The following FAT2 variants were observed in gnomAD, a reference collection of about 807,000 sequenced individuals.
FAT2 encodes the protein FAT atypical cadherin 2, also known as protocadherin Fat 2.
Under a neutral mutation model 295.3 loss-of-function variants are expected in FAT2, and 150 were observed. The observed-to-expected ratio is 0.51, with a 90% confidence interval of 0.44 to 0.58. The LOEUF (loss-of-function observed/expected upper bound fraction) is 0.58, where lower values mean the gene tolerates loss of function less well. Among genes scored for constraint, FAT2 ranks in the 20% least tolerant of loss-of-function variants. The pLI, the probability that FAT2 is intolerant of heterozygous loss-of-function variation, is 0.00. For synonymous variants in FAT2, 2,026 were observed against 2,150.3 expected (o/e 0.94, Z 1.60); for missense variants, 4,868 against 5,442.7 (o/e 0.89, Z 3.32).
intron 1 of FAT2, among the ~76,000 whole-genome samples, chr5:151,581,943 G>GGCCCAGCCCA (rs1242618013): frequency 6.6e-6 from 1 of 152,124 alleles, no homozygotes; most frequent in Non-Finnish European, 1.5e-5. Context: ...CCTCTAGCCT[G>GGCCCAGCCCA]GCCCAGCCCA....
At position 151,566,007 on chromosome 5, in the gene FAT2, G is replaced by T. The variant is rs772838478; in HGVS notation, c.2925C>A (p.Asp975Glu). ...MDGAHGTFRV[D>E]LMTGALILER... ...CCAGAATGAGCGCCCCTGTCATCAGGTCCACCCGGAAGGTCCCATGGGCGC... is the reference window on the plus strand; with the variant it reads ...CCAGAATGAGCGCCCCTGTCATCAGTTCCACCCGGAAGGTCCCATGGGCGC... Residue 975 changes from aspartate (D) to glutamate (E), a missense_variant, in exon 2 of 24, where the codon GAC becomes GAA. By Grantham distance (45) the Asp-to-Glu change is conservative. Transcript: ENST00000261800. The T allele has an allele frequency of 4.3e-6, 7 of 1,614,126 alleles. No individual in the cohort carries two copies. Among genetic ancestry groups the T allele is most frequent in the South Asian group, 1.1e-5 (1 of 91,074 alleles).
At chr5:151,517,900 G>A in intron 19 of FAT2, 135 bp from the exon 20 acceptor site, 4 of 1,057,480 alleles carry the variant, frequency 3.8e-6, no homozygotes, top group South Asian at 1.6e-5. Flanking sequence ...AAACTAGGCT[G>A]GGTGTGGGGT....
Position 151,567,580 on chromosome 5 carries a change from C to T in FAT2, c.1352G>A (p.Cys451Tyr), listed in dbSNP as rs1307001746. The change falls in exon 2 of 24, where the codon TGC (cysteine) becomes TAC (tyrosine). Residue 451 changes from cysteine (C) to tyrosine (Y), a missense_variant. Cys to Tyr is a radical substitution (Grantham distance 194, BLOSUM62 -2). Transcript: ENST00000261800. ...STVVVIDIVDCNNHAPLFNRS... is the reference protein window; with the variant it reads ...STVVVIDIVDYNNHAPLFNRS... ...GTTGAAGAGGGGGGCATGGTTGTTG[C>T]AGTCCACAATGTCAATGACCACCAC... 1.9e-6 allele frequency: 3 copies of T among 1,614,160 alleles called. No homozygotes were observed. The highest frequency in any genetic ancestry group is 2.2e-5 in the South Asian group (2 of 91,074).
At chr5:151,517,563 C>T (rs953541321) in intron 20 of FAT2, 57 bp downstream of exon 20, 3 of 1,606,296 alleles carry the variant, frequency 1.9e-6, no homozygotes, top group Admixed American at 1.7e-5. Context: ...TGCCTCACCC[C>T]CTACCTCCCC....
chr5:151,533,758 A>G (rs1754936030), intron 13 of FAT2, among the ~76,000 whole-genome samples: 1 of 149,850 alleles, frequency 6.7e-6, no homozygotes, highest in Non-Finnish European at 1.5e-5. Context: ...TATATATGTG[A>G]TATATATATA....
rs746392940 is a variant in FAT2 at position 151,525,823 on chromosome 5, A to G, written c.10451T>C (p.Val3484Ala). The G allele has an allele frequency of 1.1e-4, 179 of 1,614,096 alleles. 1 individual carries two copies. Among genetic ancestry groups the G allele is most frequent in the Middle Eastern group, 8.2e-4 (5 of 6,062 alleles). Residue 3484 changes from valine (V) to alanine (A), a missense_variant, in exon 18 of 24, where the codon GTG becomes GCG. This residue lies in a region of FAT2 where 1,046 missense variants were observed against 1,210.1 expected (regional missense o/e 0.86). Coordinates refer to ENST00000261800, the MANE Select transcript of FAT2 (RefSeq NM_001447.3). Reference sequence around the variant, plus strand: ...CCTCCTGCTTAGGCCCTCAGCAGTCACCAGCCATCCATCCGGGGTCACTCG... The same window carrying G: ...CCTCCTGCTTAGGCCCTCAGCAGTCGCCAGCCATCCATCCGGGGTCACTCG... ...AFRVTPDGWL[V>A]TAEGLSRRAQ... is the part of the protein sequence containing the mutation.
Position 151,545,073 on chromosome 5 carries a change from T to C in FAT2, c.6054A>G (p.Ala2018=). ...CCACACCTCTTGTCTGCAACACACC[T>C]GCTGACTGGACCATATGAAACATAT... ...GTDMFHMVQS[A]GVLQTRGVAF... is the part of the protein sequence containing the mutation. Residue 2018 remains alanine, a synonymous_variant, in exon 10 of 24, where the codon GCA becomes GCG. Coordinates refer to ENST00000261800, the MANE Select transcript of FAT2 (RefSeq NM_001447.3). 6.2e-7 allele frequency: 1 copy of C among 1,614,180 alleles called. No individual in the cohort carries two copies. Among genetic ancestry groups the C allele is most frequent in the Non-Finnish European group, 8.5e-7 (1 of 1,180,030 alleles).
intron 13 of FAT2, among the ~76,000 whole-genome samples, chr5:151,534,121 C>A (rs1388002706): frequency 6.6e-6 from 1 of 152,012 alleles, no homozygotes; most frequent in Non-Finnish European, 1.5e-5. Flanking sequence ...CTTAAAAATG[C>A]CTTTGTGGTT....
At position 151,566,282 on chromosome 5, in the gene FAT2, C is replaced by T. The variant is rs371388649; in HGVS notation, c.2650G>A (p.Glu884Lys). The change falls in exon 2 of 24, where the codon GAA becomes AAA. Residue 884 changes from glutamate to lysine, a missense_variant. Glu to Lys is a moderately conservative substitution (Grantham distance 56). This residue lies in a region of FAT2 where 3,297 missense variants were observed against 3,669.4 expected (regional missense o/e 0.90). Coordinates refer to ENST00000261800, the MANE Select transcript of FAT2 (RefSeq NM_001447.3). ...ELVVTGHLDR[E>K]SEPRYILKVE... ...TTGAGTATGTACCGAGGCTCTGATT[C>T]GCGGTCCAGGTGTCCTGTAACAACC... 5.0e-5 allele frequency: 80 copies of T among 1,614,072 alleles called. No homozygotes were observed. The Middle Eastern group carries it at 9.9e-4, about 20-fold the overall frequency.
In FAT2 at chr5:151,565,706, C is replaced by T; in HGVS notation, c.3226G>A (p.Gly1076Arg). ...TGGTTGATGCTGAAGGCTGCGAGTC[C>T]AGTGCCAGCACGCAGGAAGTACTGG... is the stretch of plus-strand genomic sequence containing the variant. ...ELQYFLRAGT[G>R]LAAFSINQDT... Residue 1076 changes from glycine to arginine, a missense_variant, in exon 2 of 24, where the codon GGA becomes AGA. Transcript: ENST00000261800. The T allele has an allele frequency of 3.7e-6, 6 of 1,606,114 alleles. No homozygotes were observed. Among genetic ancestry groups the T allele is most frequent in the Non-Finnish European group, 5.1e-6 (6 of 1,175,990 alleles).
Position 151,531,467 on chromosome 5 carries a change from A to T in FAT2, c.9811+120T>A. The T allele has an allele frequency of 1.8e-5, 24 of 1,327,352 alleles. No individual in the cohort carries two copies. Among genetic ancestry groups the T allele is most frequent in the Non-Finnish European group, 2.4e-5 (23 of 972,148 alleles). 82.2% of individuals were successfully genotyped at this position (1,327,352 alleles called of 1,614,324 possible). ...AGAAGCAGAAGAGAATGGAGAAACG[A>T]CCAGAGGAGGTCTGCTCTGGGAGGC... On this transcript the variant is annotated intron_variant, in intron 14 of 23. Coordinates refer to ENST00000261800, the MANE Select transcript of FAT2 (RefSeq NM_001447.3). This position sits in a 1 kb window ranked among gnomAD's most constrained non-coding sequence, Gnocchi z 5.7.
At chr5:151,576,231 A>G (rs1292273352) in intron 1 of FAT2, among the ~76,000 whole-genome samples, 1 of 152,236 alleles carries the variant, frequency 6.6e-6, no homozygotes, top group Non-Finnish European at 1.5e-5. Flanking sequence ...GTATAGGAAC[A>G]AGGGGGTATT....
At chr5:151,521,097 T>C (rs1753406065) in intron 19 of FAT2, among the ~76,000 whole-genome samples, 179 bp downstream of exon 19, 2 of 152,222 alleles carry the variant, frequency 1.3e-5, no homozygotes, top group Admixed American at 1.3e-4. Flanking sequence ...GAGAATTGGG[T>C]ATTATTCCAT....
chr5:151,560,176 C>T (rs1213406892), intron 3 of FAT2, among the ~76,000 whole-genome samples: 1 of 152,212 alleles, frequency 6.6e-6, no homozygotes, highest in Non-Finnish European at 1.5e-5. Context: ...TCTTCCTCTT[C>T]TTCCCTCCTG....
rs1195112559 is a variant in FAT2, at chr5:151,521,703, G to C, written c.10890C>G (p.Ala3630=). 1.2e-6 allele frequency: 2 copies of C among 1,613,808 alleles called. No individual in the cohort carries two copies. The highest frequency in any genetic ancestry group is 2.7e-5 in the African/African-American group (2 of 74,942). The change falls in exon 19 of 24, where the codon GCC becomes GCG. Residue 3630 remains alanine (A), a synonymous_variant. Transcript: ENST00000261800. ...TGAGCTGGTAGAAGCCCATCCACAT[G>C]GCCTGCTGCAGAGCCTCCTGCCCCA... The part of the protein sequence containing the change: ...WHVGQEALQQ[A]MWMGFYQLTP...
chr5:151,542,762 C>T lies in FAT2; in HGVS notation c.8365G>A (p.Asp2789Asn). The change falls in exon 10 of 24, where the codon GAC becomes AAC. Residue 2789 changes from aspartate to asparagine, a missense_variant. Asp to Asn is a conservative substitution (Grantham distance 23, BLOSUM62 1). Transcript: ENST00000261800. ...SLVSVNIQVG[D>N]VNDNRPVFEA... ...AATACAGGCCTATTGTCATTGACGT[C>T]TCCCACTTGGATGTTGACAGAGACC... The T allele has an allele frequency of 6.2e-7, 1 of 1,614,220 alleles. No individual in the cohort carries two copies. The highest frequency in any genetic ancestry group is 8.5e-7 in the Non-Finnish European group (1 of 1,180,048).
At chr5:151,551,735 G>A (rs1757230301) in intron 6 of FAT2, 129 bp from the exon 7 acceptor site, 2 of 859,888 alleles carry the variant, frequency 2.3e-6, no homozygotes, top group Non-Finnish European at 3.4e-6. Flanking sequence ...TGAGTGACAG[G>A]TTGTAGTTTA....
rs146182349 is a variant in FAT2 at position 151,517,668 on chromosome 5, T to C, written c.11415A>G (p.Pro3805=). ...CATTGGTGAATAGAAGAATGGCCTG[T>C]GGCTGGAGTGTTTTCAGATAGAAAT... The part of the protein sequence containing the change: ...HIHFYLKTLQ[P]QAILLFTNET... The change falls in exon 20 of 24, where the codon CCA becomes CCG. Residue 3805 remains proline (P), a synonymous_variant. Coordinates refer to ENST00000261800, the MANE Select transcript of FAT2 (RefSeq NM_001447.3). 5 of 1,614,046 alleles carry C rather than the reference T, an allele frequency of 3.1e-6. No homozygotes were observed. Among genetic ancestry groups the C allele is most frequent in the African/African-American group, 2.7e-5 (2 of 74,928 alleles).
chr5:151,566,848 C>A lies in FAT2; in HGVS notation c.2084G>T (p.Ser695Ile). Residue 695 changes from serine to isoleucine, a missense_variant, in exon 2 of 24, where the codon AGT becomes ATT. By Grantham distance (142) the Ser-to-Ile change is moderately radical. This residue lies in a region of FAT2 where 3,297 missense variants were observed against 3,669.4 expected (regional missense o/e 0.90). Transcript: ENST00000261800. Reference sequence around the variant, plus strand: ...GCTTAAAGAAGTGAATTCCTCATCACTGGACTCCTGGTTCTGAAGCCCAAT... The same window carrying A: ...GCTTAAAGAAGTGAATTCCTCATCAATGGACTCCTGGTTCTGAAGCCCAAT... ...HFIGLQNQES[S>I]DEEFTSLSTY... The A allele has an allele frequency of 6.2e-7, 1 of 1,614,162 alleles. No homozygotes were observed. Among genetic ancestry groups the A allele is most frequent in the Non-Finnish European group, 8.5e-7 (1 of 1,180,030 alleles).
Sources: gnomAD v4.1 joint callset for allele counts (sites outside exome capture counted in the v4.1 genomes callset) on GRCh38, gnomAD v4.1.1 for gene constraint, gnomAD v4.1.1 regional missense constraint, Gnocchi (gnomAD v3.1) non-coding constraint, MANE v1.5 for transcripts, NCBI Gene and HGNC (gene_info 2026-07-23, HGNC 2026-07-21) for gene names.